The following NKAIN2 variants were observed in gnomAD, a reference collection of about 807,000 sequenced individuals.
NKAIN2 encodes the protein sodium/potassium transporting ATPase interacting 2, also known as sodium/potassium-transporting ATPase subunit beta-1-interacting protein 2.
In NKAIN2, 14 loss-of-function variants were observed where a neutral mutation model predicts 32.6. The observed-to-expected ratio is 0.43, with a 90% confidence interval of 0.28 to 0.67. The LOEUF (loss-of-function observed/expected upper bound fraction) is 0.67, where lower values mean the gene tolerates loss of function less well. NKAIN2 is among the 30% of genes least tolerant of loss of function. The probability of loss-of-function intolerance (pLI) is 0.17; values close to 1 mark genes in which losing one functional copy is unlikely to be tolerated. For synonymous variants in NKAIN2, 80 were observed against 87.2 expected, an observed-to-expected ratio of 0.92 and a Z score of 0.46; for missense variants, 198 against 258.3, an observed-to-expected ratio of 0.77 and a Z score of 1.60.
chr6:123,986,142 A>C (rs550428808), intron 1 of NKAIN2, among the ~76,000 whole-genome samples: 24 of 152,306 alleles, frequency 1.6e-4, no homozygotes, highest in African/African-American at 5.5e-4. Flanking sequence ...GCTACAGAAA[A>C]ATAATAAGAA....
intron 4 of NKAIN2, among the ~76,000 whole-genome samples, chr6:124,757,210 C>G (rs1778006302): frequency 6.6e-6 from 1 of 152,148 alleles, no homozygotes; most frequent in South Asian, 2.1e-4. Context: ...TTTGAAACAT[C>G]ATTTATCTGT....
intron 1 of NKAIN2, among the ~76,000 whole-genome samples, chr6:123,906,343 T>C (rs529377037): frequency 1.3e-5 from 2 of 149,628 alleles, no homozygotes; most frequent in East Asian, 3.9e-4. Flanking sequence ...AGTACAGTGG[T>C]GCGATCATGG....
At chr6:124,345,263 A>G (rs1798348524) in intron 2 of NKAIN2, among the ~76,000 whole-genome samples, 1 of 152,148 alleles carries the variant, frequency 6.6e-6, no homozygotes, top group African/African-American at 2.4e-5. Flanking sequence ...TTTTGCATCA[A>G]TGTTCATCAA....
At chr6:124,202,751 T>A (rs1790656197) in intron 1 of NKAIN2, among the ~76,000 whole-genome samples, 1 of 151,910 alleles carries the variant, frequency 6.6e-6, no homozygotes, top group African/African-American at 2.4e-5. Context: ...TGATGATGCC[T>A]TTTCACCCAC....
intron 1 of NKAIN2, among the ~76,000 whole-genome samples, chr6:124,159,102 CACTT>C (rs1788139804): frequency 6.6e-6 from 1 of 152,156 alleles, no homozygotes; most frequent in African/African-American, 2.4e-5. Context: ...ATTAGTCACT[CACTT>C]CCATATTTGT....
rs574518951 is a variant in NKAIN2 at position 123,870,136 on chromosome 6, A to G, written c.54+65882A>G. ...GTCATTTGAGCACTGGGGGTATAAC[A>G]GGTAAGAGACAAAAATTCTTGCTCT... On this transcript the variant is annotated intron_variant, in intron 1 of 6. Coordinates refer to ENST00000368417, the MANE Select transcript of NKAIN2 (RefSeq NM_001040214.3). 2.6e-5 allele frequency among the ~76,000 whole-genome samples: 4 copies of G among 152,306 alleles called. No homozygotes were observed. The East Asian group carries it at 7.7e-4, about 29-fold the overall frequency.
intron 2 of NKAIN2, among the ~76,000 whole-genome samples, chr6:124,298,179 A>G (rs1001467641): frequency 1.3e-5 from 2 of 152,190 alleles, no homozygotes; most frequent in Non-Finnish European, 2.9e-5. Context: ...GAGATAAAAA[A>G]AATTACTGAA....
chr6:124,283,587 TA>T (rs1213787492), intron 2 of NKAIN2, among the ~76,000 whole-genome samples: 1 of 152,200 alleles, frequency 6.6e-6, no homozygotes, highest in African/African-American at 2.4e-5. Context: ...ATATTTGGCG[TA>T]TGAGAAAGCC....
intron 3 of NKAIN2, among the ~76,000 whole-genome samples, chr6:124,376,514 G>A (rs1328821790): frequency 6.6e-6 from 1 of 152,074 alleles, no homozygotes; most frequent in Non-Finnish European, 1.5e-5. Flanking sequence ...AGCATTGAGT[G>A]TATGCAATAT....
chr6:123,818,810 T>C (rs1331763778), intron 1 of NKAIN2, among the ~76,000 whole-genome samples: 2 of 152,208 alleles, frequency 1.3e-5, no homozygotes, highest in Non-Finnish European at 2.9e-5. Context: ...TATCACCTCA[T>C]GTGTTTTTCT....
At chr6:124,752,172 C>T (rs565298766) in intron 4 of NKAIN2, among the ~76,000 whole-genome samples, 1 of 152,012 alleles carries the variant, frequency 6.6e-6, no homozygotes, top group East Asian at 1.9e-4. Flanking sequence ...CGTGCTATCC[C>T]TTCCTTACAA....
At chr6:124,813,281 T>G (rs1431384892) in intron 5 of NKAIN2, among the ~76,000 whole-genome samples, 1 of 152,110 alleles carries the variant, frequency 6.6e-6, no homozygotes, top group East Asian at 1.9e-4. Context: ...ATCCAAATAT[T>G]TCTACAGTAT....
intron 1 of NKAIN2, among the ~76,000 whole-genome samples, chr6:124,052,866 C>G (rs1219814120): frequency 1.3e-5 from 2 of 151,900 alleles, no homozygotes; most frequent in Non-Finnish European, 2.9e-5. Context: ...TTTGGTTAAT[C>G]TCTACTCCAG....
At chr6:124,627,130 C>CATGATGGTG (rs1201876893) in intron 3 of NKAIN2, among the ~76,000 whole-genome samples, 1 of 151,896 alleles carries the variant, frequency 6.6e-6, no homozygotes, top group African/African-American at 2.4e-5. Flanking sequence ...ATTAGGTGGG[C>CATGATGGTG]ATGATGGTGC....
At chr6:124,616,631 A>T (rs1583526758) in intron 3 of NKAIN2, among the ~76,000 whole-genome samples, 1 of 150,670 alleles carries the variant, frequency 6.6e-6, no homozygotes, top group East Asian at 2.0e-4. Flanking sequence ...CGCCCGGCTA[A>T]TTTTTTGTAT....
intron 1 of NKAIN2, among the ~76,000 whole-genome samples, chr6:124,165,803 G>C (rs1158817351): frequency 6.9e-6 from 1 of 145,658 alleles, no homozygotes; most frequent in Non-Finnish European, 1.5e-5. Flanking sequence ...TACTGAGAAT[G>C]ATGATTTCCA....
chr6:124,189,044 G>T (rs1346320083), intron 1 of NKAIN2, among the ~76,000 whole-genome samples: 1 of 152,038 alleles, frequency 6.6e-6, no homozygotes, highest in Admixed American at 6.5e-5. Flanking sequence ...ATACATCACT[G>T]ATTTAAATGA....
intron 3 of NKAIN2, among the ~76,000 whole-genome samples, chr6:124,416,967 C>T (rs1370207667): frequency 6.6e-6 from 1 of 152,120 alleles, no homozygotes; most frequent in Non-Finnish European, 1.5e-5. Context: ...CATGCTTCCC[C>T]CAGTGGAGCA....
intron 3 of NKAIN2, among the ~76,000 whole-genome samples, chr6:124,382,936 A>G (rs1195419016): frequency 6.6e-6 from 1 of 152,186 alleles, no homozygotes; most frequent in Non-Finnish European, 1.5e-5. Flanking sequence ...AAACCATCCA[A>G]AGTGGCTTAT....
Sources: allele counts gnomAD v4.1 joint callset (sites outside exome capture counted in the v4.1 genomes callset), GRCh38; gene constraint gnomAD v4.1.1; transcripts MANE v1.5; gene names NCBI Gene and HGNC (gene_info 2026-07-23, HGNC 2026-07-21).